Variants in TRIM2 observed in about 807,000 individuals in gnomAD.
The protein encoded by TRIM2 is tripartite motif-containing protein 2.
A neutral mutation model predicts 75.2 loss-of-function variants in TRIM2; 20 were observed. That is an observed-to-expected ratio of 0.27 (90% CI 0.19 to 0.39). The LOEUF is 0.39. Ranked by LOEUF, TRIM2 falls within the 10% of genes least tolerant of loss-of-function variation. TRIM2 has a pLI of 1.00. For synonymous variants in TRIM2, 373 were observed against 388.3 expected, an observed-to-expected ratio of 0.96 and a Z score of 0.46; for missense variants, 660 against 990.8, an observed-to-expected ratio of 0.67 and a Z score of 4.48.
intron 1 of TRIM2, among the ~76,000 whole-genome samples, chr4:153,171,760 T>C (rs1723554467): frequency 6.6e-6 from 1 of 151,586 alleles, no homozygotes; most frequent in African/African-American, 2.4e-5. Context: ...GAATCCAAAT[T>C]CAGTGTCAAC....
chr4:153,222,094 T>A, intron 1 of TRIM2: 1 of 66,614 alleles, frequency 1.5e-5, no homozygotes, highest in East Asian at 7.1e-4. Context: ...AGAGGAAGGG[T>A]CCCTACTCCA....
At chr4:153,158,696 C>T (rs752485326) in intron 1 of TRIM2, among the ~76,000 whole-genome samples, 3 of 152,082 alleles carry the variant, frequency 2.0e-5, no homozygotes, top group East Asian at 3.8e-4. Flanking sequence ...ACAAGTGGTG[C>T]GGATAGCCTG....
chr4:153,303,054 C>T lies in TRIM2; in HGVS notation c.1510+7018C>T, dbSNP rs115994440. The stretch of plus-strand genomic sequence containing the variant: ...ATTCAGCTGCAGGGGTAATCATTCA[C>T]ATTCACACGCATGGGACTATGCTAG... On this transcript the variant is annotated intron_variant, in intron 6 of 11. Transcript: ENST00000338700. Among the ~76,000 whole-genome samples the T allele has an allele frequency of 6.8e-3, 1,029 of 152,330 alleles. 12 individuals are homozygous for T. Among genetic ancestry groups the T allele is most frequent in the African/African-American group, 0.023 (970 of 41,572 alleles).
At chr4:153,276,663 C>A (rs1010305542) in intron 3 of TRIM2, among the ~76,000 whole-genome samples, 5 of 152,148 alleles carry the variant, frequency 3.3e-5, no homozygotes, top group African/African-American at 1.2e-4. Flanking sequence ...CTCAGGAGGA[C>A]CTGTGGGTAC....
chr4:153,216,053 A>AT (rs1738391789), intron 1 of TRIM2, among the ~76,000 whole-genome samples: 1 of 152,102 alleles, frequency 6.6e-6, no homozygotes, highest in Non-Finnish European at 1.5e-5. Context: ...GATGAGTGGG[A>AT]TTTTTGGCAA....
intron 1 of TRIM2, among the ~76,000 whole-genome samples, chr4:153,241,982 C>A (rs111711474): frequency 5.8e-4 from 89 of 152,242 alleles, no homozygotes; most frequent in Non-Finnish European, 1.2e-3. Flanking sequence ...TGGGGGCAAA[C>A]AAACATGTGT....
At chr4:153,273,345 G>T (rs1230412376) in intron 2 of TRIM2, among the ~76,000 whole-genome samples, 1 of 141,760 alleles carries the variant, frequency 7.1e-6, no homozygotes, top group Non-Finnish European at 1.5e-5. Context: ...GCGCGATCTC[G>T]GCTCACTGCA....
chr4:153,280,362 A>G (rs1303074679), intron 3 of TRIM2, among the ~76,000 whole-genome samples: 1 of 150,542 alleles, frequency 6.6e-6, no homozygotes, highest in Non-Finnish European at 1.5e-5. Context: ...AAAATTATTA[A>G]TTAAAATACC....
chr4:153,259,552 C>A (rs942162234), intron 1 of TRIM2, among the ~76,000 whole-genome samples: 2 of 152,178 alleles, frequency 1.3e-5, no homozygotes, highest in Non-Finnish European at 2.9e-5. Context: ...AAAAAATGTG[C>A]TGCCAAATTA....
At chr4:153,288,687 C>T (rs989590305) in intron 3 of TRIM2, among the ~76,000 whole-genome samples, 2 of 151,938 alleles carry the variant, frequency 1.3e-5, no homozygotes, top group Admixed American at 6.6e-5. Flanking sequence ...TTCCCTTTCT[C>T]TCTTCCTCTC....
chr4:153,330,677 A>C (rs1229278631), intron 11 of TRIM2, among the ~76,000 whole-genome samples: 1 of 152,220 alleles, frequency 6.6e-6, no homozygotes, highest in Non-Finnish European at 1.5e-5. Flanking sequence ...TTTAATACCC[A>C]TTCATGACAA....
chr4:153,302,188 C>CT (rs1764055713), intron 6 of TRIM2, among the ~76,000 whole-genome samples: 1 of 152,014 alleles, frequency 6.6e-6, no homozygotes, highest in South Asian at 2.1e-4. Context: ...CTTTTACCTC[C>CT]TTGGTTAAAT....
Position 153,335,217 on chromosome 4 carries a change from C to T in TRIM2, c.*251C>T. 1 of 1,168,904 alleles carries T rather than the reference C, an allele frequency of 8.6e-7. No homozygotes were observed. Among genetic ancestry groups the T allele is most frequent in the African/African-American group, 1.6e-5 (1 of 63,624 alleles). 72.4% of individuals were successfully genotyped at this position (1,168,904 alleles called of 1,614,324 possible). A position where few individuals can be genotyped will look rare whatever the true frequency, so the allele number is the denominator to read the frequency against. On this transcript the variant is annotated 3_prime_UTR_variant, in exon 12 of 12. Transcript: ENST00000338700. ...GCAGTTTTACATCTGTGAACTATGG[C>T]TTAAGGGACAGGATTTATGTAGCTA...
chr4:153,244,299 TC>T lies in TRIM2; in HGVS notation c.31-26034del, dbSNP rs1439202112. On this transcript the variant is annotated intron_variant, in intron 1 of 11. Transcript: ENST00000338700. ...CTCCTCCTCCTCCTCCTCCTCCTCC[TC>T]CTCCTCCTCCTCCTCCTCCTCTTCT... Among the ~76,000 whole-genome samples the T allele has an allele frequency of 5.1e-5, 2 of 39,082 alleles. 1 individual carries two copies. Among genetic ancestry groups the T allele is most frequent in the Non-Finnish European group, 8.3e-5 (2 of 24,050 alleles). The allele number at this position is 39,082 out of a possible 152,430, so 25.6% of individuals were successfully genotyped here.
At chr4:153,306,477 G>C (rs1034913415) in intron 6 of TRIM2, among the ~76,000 whole-genome samples, 2 of 152,218 alleles carry the variant, frequency 1.3e-5, no homozygotes, top group Non-Finnish European at 2.9e-5. Flanking sequence ...GCTCAGCAAA[G>C]AAGTCAGGGC....
intron 1 of TRIM2, among the ~76,000 whole-genome samples, chr4:153,205,687 C>T (rs1483451735): frequency 6.6e-6 from 1 of 152,186 alleles, no homozygotes; most frequent in Non-Finnish European, 1.5e-5. Flanking sequence ...GACTTTAATA[C>T]ATTTAATGCT....
chr4:153,280,480 G>A (rs1196995199), intron 3 of TRIM2, among the ~76,000 whole-genome samples: 1 of 146,848 alleles, frequency 6.8e-6, no homozygotes, highest in African/African-American at 2.6e-5. Context: ...CAACTCCAGG[G>A]CTCAAGTGAT....
chr4:153,264,685 T>C (rs1754460195), intron 1 of TRIM2, among the ~76,000 whole-genome samples: 1 of 152,232 alleles, frequency 6.6e-6, no homozygotes, highest in African/African-American at 2.4e-5. Flanking sequence ...CATGACATAT[T>C]CGGACTGATT....
chr4:153,334,286 A>G (rs200490770), intron 11 of TRIM2, among the ~76,000 whole-genome samples: 1 of 152,146 alleles, frequency 6.6e-6, no homozygotes, highest in East Asian at 1.9e-4. Flanking sequence ...AGAGAAAGCA[A>G]GGTAAGTGGA....
Sources: gnomAD v4.1 joint callset for allele counts (sites outside exome capture counted in the v4.1 genomes callset) on GRCh38, gnomAD v4.1.1 for gene constraint, MANE v1.5 for transcripts, NCBI Gene and HGNC (gene_info 2026-07-23, HGNC 2026-07-21) for gene names.